PSD: variants seen among roughly 807,000 people sequenced by gnomAD.
PSD encodes pleckstrin and Sec7 domain containing, also known as PH and SEC7 domain-containing protein 1.
Under a neutral mutation model 91.6 loss-of-function variants are expected in PSD, and 32 were observed. That is an observed-to-expected ratio of 0.35 (90% confidence interval 0.26 to 0.47). PSD has a LOEUF of 0.47. Ranked by LOEUF, PSD falls within the 20% of genes least tolerant of loss-of-function variation. PSD has a pLI of 1.00. For synonymous variants in PSD, 532 were observed against 569.3 expected, an observed-to-expected ratio of 0.93 and a Z score of 0.93; for missense variants, 1,099 against 1,373.9, an observed-to-expected ratio of 0.80 and a Z score of 3.16.
At position 102,409,440 on chromosome 10, in the gene PSD, G is replaced by A; in HGVS notation, c.2091+1418C>T. ...CCAGCGTGGGTGGCAGCTCCAGGGA[G>A]GCTGAGAGCACCGCTAGGCCTGGGG... On this transcript the variant is annotated intron_variant, in intron 10 of 16. Transcript: ENST00000020673. This position sits in a 1 kb window ranked among gnomAD's most constrained non-coding sequence, Gnocchi z 5.7. 1.4e-6 allele frequency: 1 copy of A among 698,442 alleles called. No homozygotes were observed. The highest frequency in any genetic ancestry group is 1.8e-6 in the Non-Finnish European group (1 of 567,718). 43.3% of individuals were successfully genotyped at this position (698,442 alleles called of 1,614,324 possible). A position where few individuals can be genotyped will look rare whatever the true frequency, so the allele number is the denominator to read the frequency against.
Position 102,403,945 on chromosome 10 carries a change from A to G in PSD, c.2741T>C (p.Met914Thr). 1 of 1,580,690 alleles carries G rather than the reference A, an allele frequency of 6.3e-7. No individual in the cohort carries two copies. Among genetic ancestry groups the G allele is most frequent in the South Asian group, 1.1e-5 (1 of 87,122 alleles). Reference sequence around the variant, plus strand: ...CCGGTGCTCCCGCAGCTCACTTGCCATGGCCTTCAGCTTGGCCTCGTGGGT... The same window carrying G: ...CCGGTGCTCCCGCAGCTCACTTGCCGTGGCCTTCAGCTTGGCCTCGTGGGT... ...VRTHEAKLKA[M>T]ASELREHRAA... Residue 914 changes from methionine (M) to threonine (T), a missense_variant, in exon 16 of 17, where the codon ATG becomes ACG. Met to Thr is a moderately conservative substitution (Grantham distance 81). This residue lies in a region of PSD where 358 missense variants were observed against 426.5 expected (regional missense o/e 0.84). Coordinates refer to ENST00000020673, the MANE Select transcript of PSD (RefSeq NM_002779.5). This position sits in a 1 kb window ranked among gnomAD's most constrained non-coding sequence, Gnocchi z 6.7.
chr10:102,414,582 G>C lies in PSD; in HGVS notation c.1124+281C>G, dbSNP rs940160609. Reference sequence around the variant, plus strand: ...CTCCCCACTCTCCCACCAGGATCCAGGATCCAGACTCATGCTCCTGTGTTC... The same window carrying C: ...CTCCCCACTCTCCCACCAGGATCCACGATCCAGACTCATGCTCCTGTGTTC... On this transcript the variant is annotated intron_variant, in intron 4 of 16. Coordinates refer to ENST00000020673, the MANE Select transcript of PSD (RefSeq NM_002779.5). The surrounding 1 kb of genome is among the most constrained non-coding windows in gnomAD (Gnocchi z 5.6). Among the ~76,000 whole-genome samples, 5 of 152,194 alleles carry C rather than the reference G, an allele frequency of 3.3e-5. No individual in the cohort carries two copies. Among genetic ancestry groups the C allele is most frequent in the African/African-American group, 1.2e-4 (5 of 41,442 alleles).
chr10:102,415,902 A>G, intron 3 of PSD, 115 bp downstream of exon 3: 1 of 718,516 alleles, frequency 1.4e-6, no homozygotes, highest in Non-Finnish European at 2.3e-6. Context: ...ACATTGGCTG[A>G]CTCAAGAGCC....
intron 11 of PSD, 62 bp downstream of exon 11, chr10:102,407,161 C>T (rs2061371545): frequency 1.3e-6 from 2 of 1,505,402 alleles, no homozygotes; most frequent in Non-Finnish European, 1.8e-6. Flanking sequence ...CTCTCTCAGC[C>T]TCCCCAGGCA....
At position 102,404,858 on chromosome 10, in the gene PSD, G is replaced by T. The variant is rs745558876; in HGVS notation, c.2555+40C>A. 5.6e-6 allele frequency: 9 copies of T among 1,603,332 alleles called. No individual in the cohort carries two copies. The highest frequency in any genetic ancestry group is 1.7e-5 in the Admixed American group (1 of 59,356). On this transcript the variant is annotated intron_variant, in intron 14 of 16. Coordinates refer to ENST00000020673, the MANE Select transcript of PSD (RefSeq NM_002779.5). This position sits in a 1 kb window ranked among gnomAD's most constrained non-coding sequence, Gnocchi z 5.7. ...CAGGGAGGGGAGCAGGATGGGAGGTGGGGGAAGGGGTCCGGGATGGGCAGG... is the reference window on the plus strand; with the variant it reads ...CAGGGAGGGGAGCAGGATGGGAGGTTGGGGAAGGGGTCCGGGATGGGCAGG...
In PSD at chr10:102,403,206, C is replaced by T. The variant is rs764952382; in HGVS notation, c.3069G>A (p.Lys1023=). 10 of 1,559,450 alleles carry T rather than the reference C, an allele frequency of 6.4e-6. No homozygotes were observed. The highest frequency in any genetic ancestry group is 1.8e-5 in the Admixed American group (1 of 55,538). ...CCCCACCCTAAACCTCATCTCAGGG[C>T]TTCCGCCGCCCACTGCCTGCCCCTG... ...PRPGAGSGRR[K]P is the part of the protein sequence containing the mutation. The change falls in exon 17 of 17, where the codon AAG becomes AAA. Residue 1023 remains lysine (K), a synonymous_variant. Transcript: ENST00000020673. This position sits in a 1 kb window ranked among gnomAD's most constrained non-coding sequence, Gnocchi z 6.7.
Position 102,416,810 on chromosome 10 carries a change from G to C in PSD, c.229C>G (p.Arg77Gly), listed in dbSNP as rs780777011. 6.3e-7 allele frequency: 1 copy of C among 1,598,082 alleles called. No individual in the cohort carries two copies. The highest frequency in any genetic ancestry group is 1.7e-5 in the Admixed American group (1 of 58,702). ...CTPLRGPPSP[R>G]VAPSPWAPSS... ...GGTGCCCAGGGTGAGGGAGCAACAC[G>C]GGGTGAGGGGGGGCCACGCAGAGGT... Residue 77 changes from arginine to glycine, a missense_variant, in exon 2 of 17, where the codon CGT (arginine) becomes GGT (glycine). Physicochemically the swap from Arg to Gly is moderately radical, Grantham distance 125. Around this residue, in one of 3 missense-constraint regions of PSD, gnomAD observed 631 missense variants for 728.8 expected, o/e 0.87. Coordinates refer to ENST00000020673, the MANE Select transcript of PSD (RefSeq NM_002779.5). The surrounding 1 kb of genome is among the most constrained non-coding windows in gnomAD (Gnocchi z 6.0).
At chr10:102,406,697 C>T (rs528379238) in intron 11 of PSD, among the ~76,000 whole-genome samples, 6 of 152,218 alleles carry the variant, frequency 3.9e-5, no homozygotes, top group African/African-American at 1.2e-4. Context: ...TTAGTGGAGA[C>T]GGTTTCACCG....
At chr10:102,419,393 G>A (rs1182876833), upstream of PSD, 5 of 152,902 alleles carry the variant, frequency 3.3e-5, no homozygotes, top group African/African-American at 1.2e-4. The surrounding 1 kb of genome is among the most constrained non-coding windows in gnomAD (Gnocchi z 4.8). Flanking sequence ...CCTGAGTTAG[G>A]TGTCGTCACG....
At position 102,415,201 on chromosome 10, in the gene PSD, T is replaced by C. The variant is rs760758367; in HGVS notation, c.786A>G (p.Pro262=). 7 of 1,611,196 alleles carry C rather than the reference T, an allele frequency of 4.3e-6. No homozygotes were observed. Among genetic ancestry groups the C allele is most frequent in the South Asian group, 3.3e-5 (3 of 91,036 alleles). ...SGAKPPEQAP[P]SPPGVGSRQG... ...GCCTTGAGCCCACCCCAGGTGGAGA[T>C]GGGGGGGCCTGCTCTGGGGGCTTAG... Residue 262 remains proline, a synonymous_variant, in exon 4 of 17, where the codon CCA becomes CCG. Transcript: ENST00000020673.
chr10:102,404,961 C>A lies in PSD; in HGVS notation c.2492G>T (p.Ser831Ile). The A allele has an allele frequency of 6.2e-7, 1 of 1,614,118 alleles. No homozygotes were observed. The highest frequency in any genetic ancestry group is 1.1e-5 in the South Asian group (1 of 91,086). ...HALATRASDY[S>I]KRPHVFYLRT... is the part of the protein sequence containing the mutation. ...CAGGTAGAAGACGTGGGGCCTCTTG[C>A]TGTAGTCACTGGCACGAGTGGCCAG... The change falls in exon 14 of 17, where the codon AGC (serine) becomes ATC (isoleucine). Residue 831 changes from serine (S) to isoleucine (I), a missense_variant. Coordinates refer to ENST00000020673, the MANE Select transcript of PSD (RefSeq NM_002779.5). The surrounding 1 kb of genome is among the most constrained non-coding windows in gnomAD (Gnocchi z 5.7).
intron 1 of PSD, among the ~76,000 whole-genome samples, chr10:102,417,739 G>A (rs1463326547): frequency 3.5e-5 from 5 of 141,160 alleles, no homozygotes; most frequent in South Asian, 2.2e-4. Context: ...ATGGAGTTTC[G>A]CCCCTGCTGC....
rs1484838759 is a variant in PSD, at chr10:102,409,228, T to C, written c.2091+1630A>G. 4 of 983,198 alleles carry C rather than the reference T, an allele frequency of 4.1e-6. No individual in the cohort carries two copies. Among genetic ancestry groups the C allele is most frequent in the African/African-American group, 1.8e-5 (1 of 56,772 alleles). 60.9% of individuals were successfully genotyped at this position (983,198 alleles called of 1,614,324 possible). A position where few individuals can be genotyped will look rare whatever the true frequency, so the allele number is the denominator to read the frequency against. On this transcript the variant is annotated intron_variant, in intron 10 of 16. Coordinates refer to ENST00000020673, the MANE Select transcript of PSD (RefSeq NM_002779.5). The surrounding 1 kb of genome is among the most constrained non-coding windows in gnomAD (Gnocchi z 5.7). ...GCGGCCCGGCCCGAGCCGGCCCGGC[T>C]CTCACGGACGCACGGAGTGCGCGGC... is the stretch of plus-strand genomic sequence containing the variant.
chr10:102,413,730 TG>T (rs752029319), intron 5 of PSD, 38 bp downstream of exon 5: 3 of 1,564,762 alleles, frequency 1.9e-6, no homozygotes, highest in Non-Finnish European at 2.6e-6. Context: ...TCTGGAGCCC[TG>T]GGGGCCTCAA....
chr10:102,412,721 G>T (rs2061436927), intron 5 of PSD, 146 bp from the exon 6 acceptor site: 1 of 709,176 alleles, frequency 1.4e-6, no homozygotes, highest in Non-Finnish European at 2.3e-6. Flanking sequence ...CAGGGAAGGA[G>T]ATTAGATTCT....
At position 102,414,973 on chromosome 10, in the gene PSD, G is replaced by A; in HGVS notation, c.1014C>T (p.Leu338=). Residue 338 remains leucine, a synonymous_variant, in exon 4 of 17, where the codon CTC becomes CTT. Coordinates refer to ENST00000020673, the MANE Select transcript of PSD (RefSeq NM_002779.5). This position sits in a 1 kb window ranked among gnomAD's most constrained non-coding sequence, Gnocchi z 5.6. ...TGCCGAGGCTGGGATGAGGGCCAGG[G>A]AGTGGGCCGGGCCGTGGGGCAGGTG... ...AYPPAPRPGP[L]PGPHPSLGSG... 1.3e-6 allele frequency: 2 copies of A among 1,588,740 alleles called. No homozygotes were observed. Among genetic ancestry groups the A allele is most frequent in the Non-Finnish European group, 1.7e-6 (2 of 1,163,222 alleles).
At position 102,411,110 on chromosome 10, in the gene PSD, GCGCCGTCTAGGGGAGAGCTGACTT is replaced by G; in HGVS notation, c.1943-18_1948del. On this transcript the variant is annotated splice_acceptor_variant and splice_polypyrimidine_tract_variant and coding_sequence_variant and intron_variant, in exon 9 of 17. Coordinates refer to ENST00000020673, the MANE Select transcript of PSD (RefSeq NM_002779.5). LOFTEE classifies it high-confidence loss of function. ...CATGAGCGCACAGGTCAGCGTGTGG[GCGCCGTCTAGGGGAGAGCTGACTT>G]TCAGCCTTGGCTGCCTCCCAGGGAC... 6.2e-7 allele frequency: 1 copy of G among 1,608,742 alleles called. No homozygotes were observed.
In PSD at chr10:102,403,028, C is replaced by G; in HGVS notation, c.*172G>C. 1 of 422,316 alleles carries G rather than the reference C, an allele frequency of 2.4e-6. No individual in the cohort carries two copies. The allele number at this position is 422,316 out of a possible 1,614,324, so 26.2% of individuals were successfully genotyped here. ...AGGGGCTCTCGGAGGTGCCCCTAGC[C>G]TAGGCTCCTGAGGCCCAGGCCCCAG... On this transcript the variant is annotated 3_prime_UTR_variant, in exon 17 of 17. Coordinates refer to ENST00000020673, the MANE Select transcript of PSD (RefSeq NM_002779.5). This position sits in a 1 kb window ranked among gnomAD's most constrained non-coding sequence, Gnocchi z 6.7.
chr10:102,413,925 G>C lies in PSD; in HGVS notation c.1397C>G (p.Pro466Arg). 6.2e-7 allele frequency: 1 copy of C among 1,614,012 alleles called. No individual in the cohort carries two copies. Among genetic ancestry groups the C allele is most frequent in the Admixed American group, 1.7e-5 (1 of 60,024 alleles). The change falls in exon 5 of 17, where the codon CCG (proline) becomes CGG (arginine). Residue 466 changes from proline (P) to arginine (R), a missense_variant. Transcript: ENST00000020673. ...AGCAGCAGAGCTGGTACCAGAATCC[G>C]GTTCAAGAGGGGCAAGTGGGGCGGG... is the stretch of plus-strand genomic sequence containing the variant. ...PAPAPLAPLEPDSGTSSAADG... is the reference protein window; with the variant it reads ...PAPAPLAPLERDSGTSSAADG...
Sources: gnomAD v4.1 joint callset for allele counts (sites outside exome capture counted in the v4.1 genomes callset) on GRCh38, gnomAD v4.1.1 for gene constraint, gnomAD v4.1.1 regional missense constraint, Gnocchi (gnomAD v3.1) non-coding constraint, MANE v1.5 for transcripts, NCBI Gene and HGNC (gene_info 2026-07-23, HGNC 2026-07-21) for gene names.